Variants in ABLIM1 observed in about 807,000 individuals in gnomAD.
The protein encoded by ABLIM1 is actin binding LIM protein 1.
ABLIM1 carries 40 observed loss-of-function variants against 107.0 expected under a neutral mutation model. The ratio of observed to expected loss-of-function variants is 0.37; its 90% CI spans 0.29 to 0.49. ABLIM1 has a LOEUF of 0.49. Among genes scored for constraint, ABLIM1 ranks in the 20% least tolerant of loss-of-function variants. The probability of loss-of-function intolerance (pLI) is 0.97; values close to 1 mark genes in which losing one functional copy is unlikely to be tolerated. For missense variants in ABLIM1, 857 were observed against 1,008.5 expected (o/e 0.85, Z 2.04); for synonymous variants, 357 against 357.3 (o/e 1.00, Z 0.01).
At chr10:114,667,721 C>T (rs2080085372) in intron 1 of ABLIM1, among the ~76,000 whole-genome samples, 1 of 152,198 alleles carries the variant, frequency 6.6e-6, no homozygotes, top group East Asian at 1.9e-4. Flanking sequence ...CCATTTCTAT[C>T]ATTTTTTGCA....
At chr10:114,784,362 A>AAAGAAAGAAAGAAAGGAAGGAAGG in the ABLIM1 span, among the ~76,000 whole-genome samples, 1 of 145,704 alleles carries the variant, frequency 6.9e-6, no homozygotes, top group African/African-American at 2.6e-5. Flanking sequence ...AGAAAGAAAG[A>AAAGAAAGAAAGAAAGGAAGGAAGG]AAGAAAGAAA....
intron 1 of ABLIM1, among the ~76,000 whole-genome samples, chr10:114,605,648 T>A (rs933297208): frequency 2.0e-5 from 3 of 152,078 alleles, no homozygotes; most frequent in Non-Finnish European, 4.4e-5. Context: ...TAAATAAGGA[T>A]TGTACAATGA....
At chr10:114,583,225 C>T (rs1395129872) in intron 2 of ABLIM1, among the ~76,000 whole-genome samples, 1 of 151,160 alleles carries the variant, frequency 6.6e-6, no homozygotes, top group Non-Finnish European at 1.5e-5. Flanking sequence ...AGAAGATATG[C>T]AAGAAGCCAA....
chr10:114,579,653 T>C (rs1159883421), intron 2 of ABLIM1, among the ~76,000 whole-genome samples: 1 of 152,222 alleles, frequency 6.6e-6, no homozygotes, highest in Non-Finnish European at 1.5e-5. Flanking sequence ...TGGCATTAGA[T>C]ACATTCACAT....
chr10:114,661,932 C>T (rs1288534247), upstream of ABLIM1, among the ~76,000 whole-genome samples: 1 of 152,178 alleles, frequency 6.6e-6, no homozygotes, highest in African/African-American at 2.4e-5. Flanking sequence ...TGTTTTGGGG[C>T]TACACAGTGC....
At chr10:114,464,940 C>T (rs911128130) in intron 12 of ABLIM1, among the ~76,000 whole-genome samples, 2 of 152,176 alleles carry the variant, frequency 1.3e-5, no homozygotes, top group African/African-American at 4.8e-5. Context: ...TGGATCTGTA[C>T]TGGGATCTCC....
At chr10:114,762,379 C>T (rs2082767999) in intron 1 of ABLIM1, among the ~76,000 whole-genome samples, 1 of 152,146 alleles carries the variant, frequency 6.6e-6, no homozygotes, top group South Asian at 2.1e-4. Context: ...CCCCATAAAA[C>T]TGTGAGCTCC....
At chr10:114,644,238 A>G (rs1222003504) in intron 1 of ABLIM1, among the ~76,000 whole-genome samples, 4 of 130,322 alleles carry the variant, frequency 3.1e-5, no homozygotes, top group Admixed American at 2.5e-4. Flanking sequence ...CCGAGATCAC[A>G]CCACAGCACT....
chr10:114,531,201 G>GT (rs1565847907), intron 6 of ABLIM1, among the ~76,000 whole-genome samples: 1 of 152,220 alleles, frequency 6.6e-6, no homozygotes, highest in Non-Finnish European at 1.5e-5. Context: ...ACAGGAAGCT[G>GT]TAAGTTCATT....
At chr10:114,440,841 T>A (rs1465555129) in intron 19 of ABLIM1, 176 bp downstream of exon 19, 1 of 724,770 alleles carries the variant, frequency 1.4e-6, no homozygotes, top group Admixed American at 2.0e-5. Context: ...CAGTTTGATT[T>A]CATTAGATAT....
intron 1 of ABLIM1, among the ~76,000 whole-genome samples, chr10:114,761,266 CAA>C (rs60010820): frequency 2.7e-5 from 4 of 146,104 alleles, no homozygotes; most frequent in African/African-American, 5.0e-5. Context: ...AAGAAATCGG[CAA>C]AAAAAAAAAA....
intron 1 of ABLIM1, chr10:114,767,984 G>A: frequency 2.4e-6 from 1 of 409,870 alleles, no homozygotes; most frequent in Admixed American, 2.6e-5. Flanking sequence ...CGGCGCGGCT[G>A]TCGCAGCCCC....
At chr10:114,500,254 G>A (rs538409924) in intron 6 of ABLIM1, among the ~76,000 whole-genome samples, 3 of 152,268 alleles carry the variant, frequency 2.0e-5, no homozygotes, top group African/African-American at 4.8e-5. Context: ...ACTAGTTTAG[G>A]GAGAAATAAA....
intron 1 of ABLIM1, among the ~76,000 whole-genome samples, chr10:114,731,882 T>C (rs535458954): frequency 6.6e-6 from 1 of 152,258 alleles, no homozygotes; most frequent in East Asian, 1.9e-4. Flanking sequence ...AGTGCTGGGA[T>C]TACAGGCGTG....
In ABLIM1 at chr10:114,575,494, C is replaced by T; in HGVS notation, c.485G>A (p.Gly162Glu). The T allele has an allele frequency of 1.2e-6, 2 of 1,614,194 alleles. No homozygotes were observed. The highest frequency in any genetic ancestry group is 8.5e-7 in the Non-Finnish European group (1 of 1,180,042). ...CACCACTTCGCCCTCCACGAACTCC[C>T]CACAGCCATGGCAGCGTGTCCCGTA... ...RMYGTRCHGCGEFVEGEVVTA... is the reference protein window; with the variant it reads ...RMYGTRCHGCEEFVEGEVVTA... The change falls in exon 3 of 23, where the codon GGG becomes GAG. Residue 162 changes from glycine (G) to glutamate (E), a missense_variant. By Grantham distance (98) the Gly-to-Glu change is moderately conservative. Around this residue, in one of 5 missense-constraint regions of ABLIM1, gnomAD observed 381 missense variants for 506.9 expected, o/e 0.75. Transcript: ENST00000533213.
At chr10:114,553,124 C>T (rs148828257) in intron 4 of ABLIM1, among the ~76,000 whole-genome samples, 1,611 of 152,258 alleles carry the variant, frequency 0.011, 21 homozygotes, top group Non-Finnish European at 0.014. Context: ...TGAATAAGGG[C>T]CCCAAAGATG....
At chr10:114,526,879 A>G (rs773272664) in intron 6 of ABLIM1, 231 of 985,376 alleles carry the variant, frequency 2.3e-4, no homozygotes, top group Non-Finnish European at 2.7e-4. Context: ...TCCGGAAACC[A>G]GCCCCGTGTG....
At chr10:114,625,385 G>C (rs1423762516) in intron 1 of ABLIM1, among the ~76,000 whole-genome samples, 2 of 152,256 alleles carry the variant, frequency 1.3e-5, no homozygotes, top group South Asian at 2.1e-4. Context: ...GTCTGTGTGG[G>C]TGTGTGTTTT....
rs1374408294 is a variant in ABLIM1 at position 114,443,696 on chromosome 10, AG to A, written c.1933+332del. ...CTAAAAAAAAAAAAAAAAAAAAAGA[AG>A]AAGAAGAAAAGCATCATGTTTTTTA... On this transcript the variant is annotated intron_variant, in intron 17 of 22. Transcript: ENST00000533213. 1.8e-3 allele frequency among the ~76,000 whole-genome samples: 269 copies of A among 150,698 alleles called. 2 individuals carry two copies. Among genetic ancestry groups the A allele is most frequent in the African/African-American group, 6.3e-3 (261 of 41,134 alleles).
Sources: gnomAD v4.1 joint callset for allele counts (sites outside exome capture counted in the v4.1 genomes callset) on GRCh38, gnomAD v4.1.1 for gene constraint, gnomAD v4.1.1 regional missense constraint, MANE v1.5 for transcripts, NCBI Gene and HGNC (gene_info 2026-07-23, HGNC 2026-07-21) for gene names.